Variants in TRAPPC12 observed in about 807,000 individuals in gnomAD.
TRAPPC12 encodes trafficking protein particle complex subunit 12.
TRAPPC12 carries 61 observed loss-of-function variants against 69.2 expected under a neutral mutation model. The ratio of observed to expected loss-of-function variants is 0.88; its 90% CI spans 0.72 to 1.09. The LOEUF (loss-of-function observed/expected upper bound fraction) is 1.09. Among genes scored for constraint, TRAPPC12 ranks in the 50% least tolerant of loss-of-function variants. TRAPPC12 has a pLI of 0.00. For missense variants in TRAPPC12, 1,101 were observed against 1,016.4 expected (o/e 1.08, Z -1.13); for synonymous variants, 469 against 438.9 (o/e 1.07, Z -0.86).
At chr2:3,429,345 T>A (rs952920201) in intron 5 of TRAPPC12, among the ~76,000 whole-genome samples, 3 of 152,214 alleles carry the variant, frequency 2.0e-5, no homozygotes, top group Non-Finnish European at 4.4e-5. Flanking sequence ...TGGTGGAAGA[T>A]GTCAAAACAA....
At chr2:3,456,954 A>G (rs1665186539) in intron 6 of TRAPPC12, 1 of 379,784 alleles carries the variant, frequency 2.6e-6, no homozygotes, top group Non-Finnish European at 5.1e-6. Flanking sequence ...CAGATACTTC[A>G]AGAACATCAT....
At chr2:3,399,196 A>C (rs1661286340) in intron 2 of TRAPPC12, among the ~76,000 whole-genome samples, 1 of 152,260 alleles carries the variant, frequency 6.6e-6, no homozygotes, top group Admixed American at 6.5e-5. Flanking sequence ...GAGAATTTTA[A>C]GGACAAGAGA....
chr2:3,434,070 A>G (rs1663615909), intron 5 of TRAPPC12, among the ~76,000 whole-genome samples: 1 of 152,214 alleles, frequency 6.6e-6, no homozygotes, highest in South Asian at 2.1e-4. Context: ...ATCAGCTTAA[A>G]GGTATTTTTA....
intron 3 of TRAPPC12, 87 bp from the exon 4 acceptor site, chr2:3,421,794 G>T: frequency 8.3e-7 from 1 of 1,211,452 alleles, no homozygotes. Flanking sequence ...AAGGTGAGCA[G>T]CTGTGGCCAG....
At chr2:3,417,043 A>G (rs1662455573) in intron 3 of TRAPPC12, among the ~76,000 whole-genome samples, 1 of 151,976 alleles carries the variant, frequency 6.6e-6, no homozygotes, top group African/African-American at 2.4e-5. Context: ...TCCCTGGCAC[A>G]TGCTTCTCCC....
chr2:3,450,760 A>C (rs913771137), intron 6 of TRAPPC12, among the ~76,000 whole-genome samples: 10 of 151,986 alleles, frequency 6.6e-5, no homozygotes, highest in Non-Finnish European at 1.0e-4. Context: ...TTTAGTCTCC[A>C]CTCAAAAGGG....
At position 3,397,032 on chromosome 2, in the gene TRAPPC12, G is replaced by C. The variant is rs551398239; in HGVS notation, c.1048-4745G>C. Among the ~76,000 whole-genome samples, 6 of 152,232 alleles carry C rather than the reference G, an allele frequency of 3.9e-5. No homozygotes were observed. In the East Asian group the frequency reaches 9.7e-4, roughly 24 times the overall value. On this transcript the variant is annotated intron_variant, in intron 2 of 11. Coordinates refer to ENST00000324266, the MANE Select transcript of TRAPPC12 (RefSeq NM_016030.6). Reference sequence around the variant, plus strand: ...AGAAAAGAAAAGTTCTTATCTGAAAGTTCCATTATCTATGTAATATCTGCA... The same window carrying C: ...AGAAAAGAAAAGTTCTTATCTGAAACTTCCATTATCTATGTAATATCTGCA...
At chr2:3,478,049 G>A (rs1001996760) in intron 10 of TRAPPC12, 4 of 328,536 alleles carry the variant, frequency 1.2e-5, no homozygotes, top group Non-Finnish European at 5.6e-6. Flanking sequence ...TATTGCCCCC[G>A]TTTTCAGCGT....
At chr2:3,446,843 G>A (rs750497087) in intron 6 of TRAPPC12, among the ~76,000 whole-genome samples, 1 of 152,182 alleles carries the variant, frequency 6.6e-6, no homozygotes, top group African/African-American at 2.4e-5. Flanking sequence ...TTTGGTAGAC[G>A]ATGCTTGTTT....
rs542564488 is a variant in TRAPPC12 at position 3,383,652 on chromosome 2, G to A, written c.-5+3776G>A. ...GAACTCCTGACCTCGTGATACGCCC[G>A]CCCCGGCCTCCGAAAGTGCTGGGAT... On this transcript the variant is annotated intron_variant, in intron 1 of 11. Coordinates refer to ENST00000324266, the MANE Select transcript of TRAPPC12 (RefSeq NM_016030.6). 2.2e-4 allele frequency among the ~76,000 whole-genome samples: 34 copies of A among 151,826 alleles called. No individual in the cohort carries two copies. The South Asian group carries it at 4.4e-3, about 20-fold the overall frequency.
chr2:3,388,042 C>G lies in TRAPPC12; in HGVS notation c.419C>G (p.Pro140Arg). 6.7e-7 allele frequency: 1 copy of G among 1,498,690 alleles called. No homozygotes were observed. 92.8% of individuals were successfully genotyped at this position (1,498,690 alleles called of 1,614,324 possible). A position where few individuals can be genotyped will look rare whatever the true frequency, so the allele number is the denominator to read the frequency against. ...AGGCAGGACGCGGCCCGCGAGGTCC[C>G]AGGCAGCGAAGCCGCGCGCCCGGAG... ...APRQDAAREVPGSEAARPEQE... is the reference protein window; with the variant it reads ...APRQDAAREVRGSEAARPEQE... The change falls in exon 2 of 12, where the codon CCA (proline) becomes CGA (arginine). Residue 140 changes from proline (P) to arginine (R), a missense_variant. Physicochemically the swap from Pro to Arg is moderately radical, Grantham distance 103. Coordinates refer to ENST00000324266, the MANE Select transcript of TRAPPC12 (RefSeq NM_016030.6).
intron 5 of TRAPPC12, among the ~76,000 whole-genome samples, chr2:3,438,802 A>G (rs999176199): frequency 6.6e-6 from 1 of 152,108 alleles, no homozygotes; most frequent in African/African-American, 2.4e-5. Context: ...CATTTTATGT[A>G]TATACCATAG....
At chr2:3,394,919 G>C (rs887420426) in intron 2 of TRAPPC12, among the ~76,000 whole-genome samples, 2 of 152,136 alleles carry the variant, frequency 1.3e-5, no homozygotes, top group Non-Finnish European at 2.9e-5. Flanking sequence ...TGTATATTCT[G>C]TCTCTCACAC....
At chr2:3,460,179 T>C (rs1164530946) in intron 7 of TRAPPC12, 84 bp from the exon 8 acceptor site, 6 of 840,532 alleles carry the variant, frequency 7.1e-6, no homozygotes, top group Non-Finnish European at 1.3e-5. Context: ...TAAAGTTAAA[T>C]TAGAATTCAC....
At chr2:3,382,558 T>C (rs1660265358) in intron 1 of TRAPPC12, among the ~76,000 whole-genome samples, 1 of 152,246 alleles carries the variant, frequency 6.6e-6, no homozygotes, top group South Asian at 2.1e-4. Flanking sequence ...GTGGAATTGC[T>C]AGGTCCTAGG....
At chr2:3,383,631 T>C (rs539902966) in intron 1 of TRAPPC12, among the ~76,000 whole-genome samples, 16 of 151,776 alleles carry the variant, frequency 1.1e-4, no homozygotes, top group Non-Finnish European at 1.8e-4. Flanking sequence ...CATCTTGAAC[T>C]CCTGACCTCG....
At chr2:3,478,755 C>A in intron 10 of TRAPPC12, 91 bp from the exon 11 acceptor site, 2 of 1,135,062 alleles carry the variant, frequency 1.8e-6, no homozygotes, top group Non-Finnish European at 2.6e-6. Context: ...TACGCTGGGT[C>A]TCTGTGGGAT....
chr2:3,427,040 GAAGAA>G (rs1212794433), intron 5 of TRAPPC12, among the ~76,000 whole-genome samples: 4 of 152,198 alleles, frequency 2.6e-5, no homozygotes, highest in Admixed American at 6.5e-5. Context: ...GGTAGGTTGT[GAAGAA>G]AAGATGGAAA....
At chr2:3,428,269 A>G (rs979670742) in intron 5 of TRAPPC12, among the ~76,000 whole-genome samples, 4 of 152,270 alleles carry the variant, frequency 2.6e-5, no homozygotes, top group Non-Finnish European at 5.9e-5. Flanking sequence ...TATGAAATAG[A>G]CATAAATCAT....
Sources: gnomAD v4.1 joint callset for allele counts (sites outside exome capture counted in the v4.1 genomes callset) on GRCh38, gnomAD v4.1.1 for gene constraint, MANE v1.5 for transcripts, NCBI Gene and HGNC (gene_info 2026-07-23, HGNC 2026-07-21) for gene names.